RPA3: variants seen among roughly 807,000 people sequenced by gnomAD.
RPA3 encodes the protein replication protein A3, also known as replication protein A 14 kDa subunit.
A neutral mutation model predicts 13.7 loss-of-function variants in RPA3; 24 were observed. That is an observed-to-expected ratio of 1.75 (90% CI 1.27 to 2.46). The LOEUF is 2.46. RPA3 is among the 30% of genes most tolerant of loss of function. RPA3 has a pLI of 0.00. For synonymous variants in RPA3, 59 were observed against 51.2 expected, an observed-to-expected ratio of 1.15 and a Z score of -0.65; for missense variants, 183 against 151.0, an observed-to-expected ratio of 1.21 and a Z score of -1.11.
rs1210339139 is a variant in RPA3 at position 7,637,908 on chromosome 7, A to C, written c.239T>G (p.Leu80Trp). 1 of 1,613,692 alleles carries C rather than the reference A, an allele frequency of 6.2e-7. No homozygotes were observed. Residue 80 changes from leucine (L) to tryptophan (W), a missense_variant, in exon 7 of 8, where the codon TTG (leucine) becomes TGG (tryptophan). By Grantham distance (61) the Leu-to-Trp change is moderately conservative. Coordinates refer to ENST00000223129, the MANE Select transcript of RPA3 (RefSeq NM_002947.5). ...VGRVTAKATI[L>W]CTSYVQFKED... is the part of the protein sequence containing the mutation. ...TTTAAACTGGACATAAGATGTACAC[A>C]AGATGGTGGCCTTGGCGGTTACTCT...
intron 2 of RPA3, among the ~76,000 whole-genome samples, chr7:7,696,309 A>G (rs1020676143): frequency 1.3e-5 from 2 of 151,790 alleles, no homozygotes; most frequent in Non-Finnish European, 2.9e-5. Context: ...ATTAAAAAAA[A>G]AAACACCCCA....
chr7:7,678,599 A>ATTTATAGATAAATATATATTTATATAC (rs1779816746), intron 4 of RPA3, among the ~76,000 whole-genome samples: 1 of 134,680 alleles, frequency 7.4e-6, no homozygotes, highest in Non-Finnish European at 1.5e-5. Flanking sequence ...TATATACTTA[A>ATTTATAGATAAATATATATTTATATAC]TTTATAGATA....
Position 7,640,337 on chromosome 7 carries a change from C to G in RPA3, c.82G>C (p.Val28Leu). ...AQFIDKPVCF[V>L]GRLEKIHPTG... ...CCGCACACCTTTTCCAGCCTCCCTA[C>G]GAAGCAGACAGGCTTGTCGATGAAT... is the stretch of plus-strand genomic sequence containing the variant. The change falls in exon 5 of 8, where the codon GTA (valine) becomes CTA (leucine). Residue 28 changes from valine to leucine, a missense_variant. Physicochemically the swap from Val to Leu is conservative, Grantham distance 32 (BLOSUM62 1). Transcript: ENST00000223129. 1 of 1,614,044 alleles carries G rather than the reference C, an allele frequency of 6.2e-7. No homozygotes were observed. The highest frequency in any genetic ancestry group is 8.5e-7 in the Non-Finnish European group (1 of 1,179,966).
At chr7:7,713,193 A>AAT (rs992181915) in intron 2 of RPA3, among the ~76,000 whole-genome samples, 5 of 151,896 alleles carry the variant, frequency 3.3e-5, no homozygotes, top group African/African-American at 1.2e-4. Flanking sequence ...AAAAAAAAAA[A>AAT]ATTAGCTGGG....
chr7:7,640,436 G>T lies in RPA3; in HGVS notation c.-18C>A. On this transcript the variant is annotated 5_prime_UTR_variant, in exon 5 of 8. Transcript: ENST00000223129. ...TCCACCATGATTATGGTCCAAGACT[G>T]CGGCTGGCGGGAAACCCACGGACGA... is the stretch of plus-strand genomic sequence containing the variant. 1 of 1,611,822 alleles carries T rather than the reference G, an allele frequency of 6.2e-7. No individual in the cohort carries two copies.
intron 4 of RPA3, among the ~76,000 whole-genome samples, chr7:7,668,816 A>G (rs941552818): frequency 6.6e-6 from 1 of 152,242 alleles, no homozygotes; most frequent in African/African-American, 2.4e-5. Flanking sequence ...GTTAAGTGCT[A>G]CAGCTGGCCA....
chr7:7,685,381 C>T (rs907520209), intron 4 of RPA3, among the ~76,000 whole-genome samples: 1 of 150,976 alleles, frequency 6.6e-6, no homozygotes, highest in African/African-American at 2.4e-5. Context: ...GCCATCTCAG[C>T]TCACTGCAAC....
chr7:7,717,732 A>G (rs779690542), intron 1 of RPA3, among the ~76,000 whole-genome samples: 5 of 152,230 alleles, frequency 3.3e-5, no homozygotes, highest in African/African-American at 9.6e-5. Context: ...TTAACAAAGA[A>G]GTTAGTTTGT....
intron 4 of RPA3, among the ~76,000 whole-genome samples, chr7:7,669,271 T>A (rs1779547477): frequency 6.6e-6 from 1 of 152,056 alleles, no homozygotes; most frequent in African/African-American, 2.4e-5. Context: ...TGATATAGGG[T>A]CTGACACACT....
intron 2 of RPA3, among the ~76,000 whole-genome samples, chr7:7,694,996 T>C (rs2115143701): frequency 6.6e-6 from 1 of 152,348 alleles, no homozygotes; most frequent in East Asian, 1.9e-4. Flanking sequence ...TAATTTACAT[T>C]CCCACCAACA....
At chr7:7,690,053 A>G (rs1583739913) in intron 2 of RPA3, among the ~76,000 whole-genome samples, 1 of 152,216 alleles carries the variant, frequency 6.6e-6, no homozygotes, top group East Asian at 1.9e-4. Flanking sequence ...GTGATGGGAA[A>G]TAAGCTTGCC....
At chr7:7,639,225 G>A (rs1784913605) in intron 5 of RPA3, 81 bp from the exon 6 acceptor site, 5 of 972,526 alleles carry the variant, frequency 5.1e-6, no homozygotes, top group African/African-American at 3.3e-5. Flanking sequence ...ATCCTTAGTT[G>A]AGCACAAATC....
intron 4 of RPA3, among the ~76,000 whole-genome samples, chr7:7,682,581 G>A (rs1053010229): frequency 6.6e-6 from 1 of 152,106 alleles, no homozygotes; most frequent in Non-Finnish European, 1.5e-5. Flanking sequence ...AGGGTTGAAG[G>A]CTTTAATTAA....
chr7:7,709,458 G>A (rs544295889), intron 2 of RPA3, among the ~76,000 whole-genome samples: 10 of 152,354 alleles, frequency 6.6e-5, no homozygotes, highest in South Asian at 2.1e-4. Context: ...CCCGAGGAGG[G>A]CAGAATGCTG....
rs371010075 is a variant in RPA3, at chr7:7,656,460, T to TC, written c.-757-15286dup. 5.4e-4 allele frequency among the ~76,000 whole-genome samples: 82 copies of TC among 152,268 alleles called. 2 individuals are homozygous for TC. The highest frequency in any genetic ancestry group is 1.9e-3 in the African/African-American group (79 of 41,544). Reference sequence around the variant, plus strand: ...TAGGTATTTCTTCTAATGCTATTCCTCCCCTAGCCTTCCACCCCATGACAG... The same window carrying TC: ...TAGGTATTTCTTCTAATGCTATTCCTCCCCCTAGCCTTCCACCCCATGACAG... On this transcript the variant is annotated intron_variant, in intron 4 of 7. Transcript: ENST00000223129.
intron 4 of RPA3, among the ~76,000 whole-genome samples, chr7:7,661,768 T>C (rs1785480741): frequency 6.6e-6 from 1 of 152,086 alleles, no homozygotes; most frequent in Admixed American, 6.5e-5. Flanking sequence ...TGTCTCCCAG[T>C]CAGGAGACAT....
intron 4 of RPA3, among the ~76,000 whole-genome samples, chr7:7,656,585 T>C (rs1014362572): frequency 6.6e-6 from 1 of 152,152 alleles, no homozygotes; most frequent in African/African-American, 2.4e-5. Context: ...TCTGTTCTTG[T>C]GTTTGTTTGC....
intron 1 of RPA3, 52 bp downstream of exon 1, chr7:7,718,463 G>A (rs936923366): frequency 1.3e-5 from 2 of 152,064 alleles, no homozygotes; most frequent in Non-Finnish European, 2.9e-5. Context: ...ATACCTTTAA[G>A]TTATTTTGAA....
intron 2 of RPA3, among the ~76,000 whole-genome samples, chr7:7,705,159 G>T (rs1337570891): frequency 2.6e-5 from 4 of 152,134 alleles, no homozygotes; most frequent in African/African-American, 9.7e-5. Context: ...GATGAGAAGA[G>T]ATCTCAACTT....
Sources: allele counts gnomAD v4.1 joint callset (sites outside exome capture counted in the v4.1 genomes callset), GRCh38; gene constraint gnomAD v4.1.1; transcripts MANE v1.5; gene names NCBI Gene and HGNC (gene_info 2026-07-23, HGNC 2026-07-21).